Variants in LEO1 observed in about 807,000 individuals in gnomAD.
The protein encoded by LEO1 is RNA polymerase-associated protein LEO1.
A neutral mutation model predicts 80.4 loss-of-function variants in LEO1; 34 were observed. That is an observed-to-expected ratio of 0.42 (90% confidence interval 0.32 to 0.56). The LOEUF is 0.56. Ranked by LOEUF, LEO1 falls within the 20% of genes least tolerant of loss-of-function variation. The pLI is 0.10. For synonymous variants in LEO1, 262 were observed against 274.9 expected (o/e 0.95, Z 0.46); for missense variants, 631 against 814.2 (o/e 0.77, Z 2.74).
chr15:51,951,861 G>A lies in LEO1; in HGVS notation c.1594C>T (p.Arg532Cys), dbSNP rs754922458. The A allele has an allele frequency of 4.3e-6, 7 of 1,613,720 alleles. No individual in the cohort carries two copies. Among genetic ancestry groups the A allele is most frequent in the Admixed American group, 1.7e-5 (1 of 59,992 alleles). ...AAACATACCTTAATCATTTCTGTGC[G>A]TTGGCATTCAGGATCACGACCAGCC... ...PMAGRDPECQ[R>C]TEMIKKEEER... The change falls in exon 9 of 12, where the codon CGC (arginine) becomes TGC (cysteine). Residue 532 changes from arginine (R) to cysteine (C), a missense_variant. Arg to Cys is a radical substitution (Grantham distance 180). Transcript: ENST00000299601.
chr15:51,947,295 A>G lies in LEO1; in HGVS notation c.1893T>C (p.Asp631=), dbSNP rs1254374104. ...RLLKAKKLTS[D]EEGEPSGKRK... ...AATTGAATAAATTTGGTCTTACCTC[A>G]TCACTGGTAAGTTTCTTTGCTTTGA... The change falls in exon 11 of 12, where the codon GAT becomes GAC. Residue 631 remains aspartate, a synonymous_variant. Transcript: ENST00000299601. 3 of 1,605,106 alleles carry G rather than the reference A, an allele frequency of 1.9e-6. No homozygotes were observed. Among genetic ancestry groups the G allele is most frequent in the Non-Finnish European group, 8.5e-7 (1 of 1,171,936 alleles).
At chr15:51,941,071 T>TCAAA (rs1197366480) in intron 11 of LEO1, among the ~76,000 whole-genome samples, 31 of 139,424 alleles carry the variant, frequency 2.2e-4, no homozygotes, top group Non-Finnish European at 3.2e-4. Flanking sequence ...AGACTCCATC[T>TCAAA]CAAACAAACA....
At chr15:51,962,515 T>C (rs2057039447) in intron 2 of LEO1, 22 bp from the exon 3 acceptor site, 2 of 1,518,132 alleles carry the variant, frequency 1.3e-6, no homozygotes, top group African/African-American at 2.8e-5. Context: ...GAATTAGAAG[T>C]TCTGCATAAT....
chr15:51,951,776 C>G, intron 9 of LEO1, 68 bp downstream of exon 9: 1 of 1,394,084 alleles, frequency 7.2e-7, no homozygotes. Context: ...GACGAACAAG[C>G]ATTTTGGGAA....
chr15:51,971,603 C>T lies in LEO1; in HGVS notation c.58+85G>A, dbSNP rs61736792. On this transcript the variant is annotated intron_variant, in intron 1 of 11. Coordinates refer to ENST00000299601, the MANE Select transcript of LEO1 (RefSeq NM_138792.4). ...AGTGGAGGAAACGCCACCTCTTGCC[C>T]GCGGCGCTGGAGCCTCCACGGTTGT... The T allele has an allele frequency of 2.1e-3, 2,999 of 1,411,818 alleles. 60 individuals carry two copies. The African/African-American group carries it at 0.039, about 18-fold the overall frequency. The allele number at this position is 1,411,818 out of a possible 1,614,324, so 87.5% of individuals were successfully genotyped here. A position where few individuals can be genotyped will look rare whatever the true frequency, so the allele number is the denominator to read the frequency against.
At chr15:51,945,757 A>G (rs2056894460) in intron 11 of LEO1, among the ~76,000 whole-genome samples, 1 of 152,166 alleles carries the variant, frequency 6.6e-6, no homozygotes, top group South Asian at 2.1e-4. Flanking sequence ...AAAAGAGGCC[A>G]GGCGCACTGG....
chr15:51,969,179 G>T (rs1447244383), intron 1 of LEO1, among the ~76,000 whole-genome samples: 9 of 151,724 alleles, frequency 5.9e-5, no homozygotes, highest in African/African-American at 2.2e-4. Flanking sequence ...GGCTGGTCTC[G>T]AACTCCTGAC....
intron 10 of LEO1, among the ~76,000 whole-genome samples, chr15:51,948,021 A>G (rs117916298): frequency 0.014 from 2,120 of 152,322 alleles, 83 homozygotes; most frequent in East Asian, 0.07. Flanking sequence ...TCCACCAGTA[A>G]CAGTTAATTC....
chr15:51,961,968 C>T (rs1367592742), intron 3 of LEO1, among the ~76,000 whole-genome samples: 1 of 151,760 alleles, frequency 6.6e-6, no homozygotes, highest in African/African-American at 2.4e-5. Flanking sequence ...TCGAGACCAA[C>T]CTGGCCAACA....
rs146372912 is a variant in LEO1 at position 51,954,536 on chromosome 15, C to T, written c.1285G>A (p.Glu429Lys). 2.5e-6 allele frequency: 4 copies of T among 1,613,672 alleles called. No individual in the cohort carries two copies. Among genetic ancestry groups the T allele is most frequent in the Non-Finnish European group, 3.4e-6 (4 of 1,179,622 alleles). ...TTGCTTTCTTTAATTTCATTTCCTT[C>T]TTCATCTCGGCGTATCCTCCATCTT... ...TIRWRIRRDE[E>K]GNEIKESNAR... Residue 429 changes from glutamate to lysine, a missense_variant, in exon 7 of 12, where the codon GAA becomes AAA. By Grantham distance (56) the Glu-to-Lys change is moderately conservative. Around this residue, in one of 4 missense-constraint regions of LEO1, gnomAD observed 95 missense variants for 171.7 expected, o/e 0.55. Transcript: ENST00000299601.
chr15:51,964,818 A>T (rs2141778134), intron 2 of LEO1, among the ~76,000 whole-genome samples: 1 of 152,362 alleles, frequency 6.6e-6, no homozygotes, highest in Admixed American at 6.5e-5. Context: ...AACTTAATTA[A>T]GGTAACTTTT....
At chr15:51,947,825 T>C (rs1468830919) in intron 10 of LEO1, among the ~76,000 whole-genome samples, 2 of 152,194 alleles carry the variant, frequency 1.3e-5, no homozygotes, top group Non-Finnish European at 2.9e-5. Flanking sequence ...GGGAACCAAA[T>C]AATTTTAAAG....
chr15:51,955,528 C>T (rs546111908), intron 6 of LEO1, among the ~76,000 whole-genome samples: 8 of 152,146 alleles, frequency 5.3e-5, no homozygotes, highest in African/African-American at 4.8e-5. Context: ...GCATACTAAA[C>T]GCATGCAGTT....
chr15:51,938,661 G>A (rs1410599812), intron 11 of LEO1, among the ~76,000 whole-genome samples: 1 of 151,520 alleles, frequency 6.6e-6, no homozygotes, highest in Non-Finnish European at 1.5e-5. Context: ...TGGTTTTTTT[G>A]GAACAATTTG....
intron 3 of LEO1, among the ~76,000 whole-genome samples, 174 bp downstream of exon 3, chr15:51,962,215 A>G (rs1262333949): frequency 1.3e-5 from 2 of 152,022 alleles, no homozygotes; most frequent in South Asian, 2.1e-4. Context: ...CAACTAATTA[A>G]GCATGAGCAG....
chr15:51,952,002 C>T (rs936860804), intron 8 of LEO1, 23 bp from the exon 9 acceptor site: 59 of 1,598,126 alleles, frequency 3.7e-5, no homozygotes, highest in Non-Finnish European at 5.0e-5. Flanking sequence ...AAACGAAGAG[C>T]ATATCACTGT....
chr15:51,962,474 A>G lies in LEO1; in HGVS notation c.834T>C (p.Asp278=), dbSNP rs753464793. 8.7e-6 allele frequency: 14 copies of G among 1,612,122 alleles called. 1 individual carries two copies. The highest frequency in any genetic ancestry group is 6.7e-5 in the Admixed American group (4 of 59,986). The part of the protein sequence containing the change: ...DHKSESARGS[D]SEDEVLRMKR... ...TCATTCGTAAAACTTCATCTTCACT[A>G]TCACTGCCTCTTGCAGATTCTATAA... Residue 278 remains aspartate (D), a synonymous_variant, in exon 3 of 12, where the codon GAT becomes GAC. Coordinates refer to ENST00000299601, the MANE Select transcript of LEO1 (RefSeq NM_138792.4).
Position 51,951,844 on chromosome 15 carries a change from C to G in LEO1, c.1611G>C (p.Lys537Asn), listed in dbSNP as rs1254844456. 1 of 1,613,634 alleles carries G rather than the reference C, an allele frequency of 6.2e-7. No homozygotes were observed. The highest frequency in any genetic ancestry group is 8.5e-7 in the Non-Finnish European group (1 of 1,179,730). ...DPECQRTEMI[K>N]KEEERLRASI... Reference sequence around the variant, plus strand: ...TAACGCTTAGGCTTAGCAAACATACCTTAATCATTTCTGTGCGTTGGCATT... The same window carrying G: ...TAACGCTTAGGCTTAGCAAACATACGTTAATCATTTCTGTGCGTTGGCATT... Residue 537 changes from lysine to asparagine, a missense_variant and splice_region_variant, in exon 9 of 12, where the codon AAG becomes AAC. Transcript: ENST00000299601.
chr15:51,943,256 G>A (rs1360877321), intron 11 of LEO1, among the ~76,000 whole-genome samples: 1 of 151,080 alleles, frequency 6.6e-6, no homozygotes, highest in Non-Finnish European at 1.5e-5. Flanking sequence ...GCGGGCACCT[G>A]TAATCCCAGA....
Sources: gnomAD v4.1 joint callset for allele counts (sites outside exome capture counted in the v4.1 genomes callset) on GRCh38, gnomAD v4.1.1 for gene constraint, gnomAD v4.1.1 regional missense constraint, MANE v1.5 for transcripts, NCBI Gene and HGNC (gene_info 2026-07-23, HGNC 2026-07-21) for gene names.